MAGI2: variants seen among roughly 807,000 people sequenced by gnomAD.
MAGI2 encodes the protein membrane associated guanylate kinase, WW and PDZ domain containing 2, also known as membrane-associated guanylate kinase, WW and PDZ domain-containing protein 2.
Under a neutral mutation model 133.3 loss-of-function variants are expected in MAGI2, and 35 were observed. The ratio of observed to expected loss-of-function variants is 0.26; its 90% CI spans 0.20 to 0.35. MAGI2 has a LOEUF of 0.35. Ranked by LOEUF, MAGI2 falls within the 10% of genes least tolerant of loss-of-function variation. MAGI2 has a pLI of 1.00. For missense variants in MAGI2, 1,636 were observed against 1,863.4 expected (o/e 0.88, Z 2.25); for synonymous variants, 729 against 710.6 (o/e 1.03, Z -0.41).
intron 1 of MAGI2, among the ~76,000 whole-genome samples, chr7:79,065,560 C>T (rs900102326): frequency 6.6e-6 from 1 of 151,666 alleles, no homozygotes; most frequent in African/African-American, 2.4e-5. Flanking sequence ...ACCAAAAAAG[C>T]AATTTTTCTT....
intron 9 of MAGI2, among the ~76,000 whole-genome samples, chr7:78,316,945 C>A (rs1481550121): frequency 1.3e-5 from 2 of 152,120 alleles, no homozygotes; most frequent in Admixed American, 6.5e-5. Flanking sequence ...CTTGCTTCAC[C>A]CGTGATTCTC....
intron 2 of MAGI2, among the ~76,000 whole-genome samples, chr7:78,933,939 A>G (rs1469999564): frequency 6.6e-6 from 1 of 152,092 alleles, no homozygotes; most frequent in East Asian, 1.9e-4. Flanking sequence ...GTGTTTCTTC[A>G]CACCTAAAAA....
chr7:78,939,664 A>T (rs1800816062), intron 2 of MAGI2, among the ~76,000 whole-genome samples: 1 of 152,208 alleles, frequency 6.6e-6, no homozygotes, highest in African/African-American at 2.4e-5. Context: ...TCTGGGAAAG[A>T]ATCTATTACC....
intron 2 of MAGI2, among the ~76,000 whole-genome samples, chr7:78,794,657 C>T (rs776731454): frequency 3.5e-4 from 52 of 150,160 alleles, no homozygotes; most frequent in African/African-American, 8.3e-4. Flanking sequence ...TTGTTTTTCA[C>T]GAAAATTTGA....
chr7:79,151,061 AC>A (rs1391173807), intron 1 of MAGI2, among the ~76,000 whole-genome samples: 12 of 152,112 alleles, frequency 7.9e-5, no homozygotes, highest in Non-Finnish European at 1.8e-4. Context: ...TTTTAAAAAA[AC>A]ATGTTAGCTT....
intron 2 of MAGI2, among the ~76,000 whole-genome samples, chr7:78,799,218 C>A (rs564052256): frequency 1.3e-5 from 2 of 152,254 alleles, no homozygotes; most frequent in South Asian, 4.1e-4. Flanking sequence ...TTGAGATATG[C>A]TTGGTGTTGA....
intron 2 of MAGI2, among the ~76,000 whole-genome samples, chr7:78,966,701 T>A (rs1803340370): frequency 6.6e-6 from 1 of 152,142 alleles, no homozygotes; most frequent in Non-Finnish European, 1.5e-5. Flanking sequence ...GAAGTGGGAT[T>A]GTTGGCACAT....
At chr7:78,660,438 C>G (rs1219379217) in intron 2 of MAGI2, among the ~76,000 whole-genome samples, 1 of 151,956 alleles carries the variant, frequency 6.6e-6, no homozygotes. Flanking sequence ...AATATCAACT[C>G]GATTCACAGA....
intron 2 of MAGI2, among the ~76,000 whole-genome samples, chr7:78,682,616 C>T (rs747928525): frequency 6.6e-6 from 1 of 152,148 alleles, no homozygotes; most frequent in African/African-American, 2.4e-5. Flanking sequence ...TTTATCCAGT[C>T]TATCATTGAT....
chr7:79,036,977 G>C (rs547924407), intron 1 of MAGI2, among the ~76,000 whole-genome samples: 2 of 152,102 alleles, frequency 1.3e-5, no homozygotes, highest in Non-Finnish European at 1.5e-5. Flanking sequence ...GTTCATGTAG[G>C]GTTTCACTGT....
At chr7:78,332,341 T>A (rs571227078) in intron 9 of MAGI2, among the ~76,000 whole-genome samples, 84 of 152,352 alleles carry the variant, frequency 5.5e-4, no homozygotes, top group African/African-American at 2.0e-3. Context: ...CCCAAGTGGT[T>A]GGTCTGTAGC....
chr7:79,154,558 T>A (rs1226070938), intron 1 of MAGI2, among the ~76,000 whole-genome samples: 1 of 152,152 alleles, frequency 6.6e-6, no homozygotes, highest in Non-Finnish European at 1.5e-5. Flanking sequence ...AGTACTTCAA[T>A]GGCTGCCTTT....
chr7:78,520,082 T>A (rs725554), intron 4 of MAGI2, among the ~76,000 whole-genome samples: 2 of 152,358 alleles, frequency 1.3e-5, no homozygotes, highest in South Asian at 4.1e-4. Context: ...ACATTACTTA[T>A]AGTGATTTTT....
At chr7:78,063,435 C>T (rs6465987) in intron 21 of MAGI2, among the ~76,000 whole-genome samples, 110,554 of 152,014 alleles carry the variant, frequency 0.73, 40,398 homozygotes, top group East Asian at 0.88. Context: ...ATAGATAAGG[C>T]CTTGCTATGT....
In MAGI2 at chr7:78,038,300, A is replaced by G. The variant is rs1810444999; in HGVS notation, c.3707-18324T>C. Among the ~76,000 whole-genome samples, 3 of 152,098 alleles carry G rather than the reference A, an allele frequency of 2.0e-5. No homozygotes were observed. The South Asian group carries it at 6.2e-4, about 32-fold the overall frequency. On this transcript the variant is annotated intron_variant, in intron 21 of 21. Coordinates refer to ENST00000354212, the MANE Select transcript of MAGI2 (RefSeq NM_012301.4). ...CTTTCTTGAAAGTGGAGCCACCTTA[A>G]TTTTTCAGATGAATATGGCGTATGT...
intron 1 of MAGI2, among the ~76,000 whole-genome samples, chr7:79,341,219 G>T (rs1295077826): frequency 6.6e-6 from 1 of 152,126 alleles, no homozygotes; most frequent in Non-Finnish European, 1.5e-5. Context: ...ATACTCAGTG[G>T]AAATAAATGT....
chr7:78,089,985 C>A (rs1240525621), intron 20 of MAGI2, among the ~76,000 whole-genome samples: 1 of 152,208 alleles, frequency 6.6e-6, no homozygotes, highest in African/African-American at 2.4e-5. Context: ...CCACCCTTCT[C>A]TTGTGTTTAG....
intron 1 of MAGI2, among the ~76,000 whole-genome samples, chr7:79,136,044 A>AGAAAGAAAGAAAGAAAGAAG: frequency 2.1e-4 from 29 of 136,956 alleles, no homozygotes; most frequent in African/African-American, 9.0e-4. Flanking sequence ...AAAGAAAGAA[A>AGAAAGAAAGAAAGAAAGAAG]GAAGGAAAGA....
At chr7:79,233,791 T>A (rs1431423307) in intron 1 of MAGI2, among the ~76,000 whole-genome samples, 1 of 143,204 alleles carries the variant, frequency 7.0e-6, no homozygotes, top group African/African-American at 2.6e-5. Context: ...TTAGTCCATT[T>A]ACATTTAAAG....
Sources: gnomAD v4.1 joint callset for allele counts (sites outside exome capture counted in the v4.1 genomes callset) on GRCh38, gnomAD v4.1.1 for gene constraint, MANE v1.5 for transcripts, NCBI Gene and HGNC (gene_info 2026-07-23, HGNC 2026-07-21) for gene names.